Variants in FGD6 observed in about 807,000 individuals in gnomAD.
FGD6 encodes the protein FYVE, RhoGEF and PH domain-containing protein 6.
In FGD6, 90 loss-of-function variants were observed where a neutral mutation model predicts 149.4. The ratio of observed to expected loss-of-function variants is 0.60; its 90% CI spans 0.51 to 0.72. The LOEUF (loss-of-function observed/expected upper bound fraction) is 0.72, where lower values mean the gene tolerates loss of function less well. FGD6 is among the 30% of genes least tolerant of loss of function. FGD6 has a pLI of 0.00. For synonymous variants in FGD6, 527 were observed against 584.0 expected (o/e 0.90, Z 1.41); for missense variants, 1,437 against 1,684.8 (o/e 0.85, Z 2.57).
intron 3 of FGD6, among the ~76,000 whole-genome samples, chr12:95,161,111 T>C (rs1282957664): frequency 6.6e-6 from 1 of 150,868 alleles, no homozygotes; most frequent in African/African-American, 2.4e-5. Flanking sequence ...ACCAAGGAGA[T>C]GGAGGATGCA....
At chr12:95,087,654 G>T (rs1009098103) in intron 18 of FGD6, among the ~76,000 whole-genome samples, 1 of 152,180 alleles carries the variant, frequency 6.6e-6, no homozygotes, top group Non-Finnish European at 1.5e-5. Flanking sequence ...GATAATAAAT[G>T]TATGTTGTTT....
chr12:95,106,118 T>TCATAC (rs1565897264), intron 13 of FGD6, among the ~76,000 whole-genome samples: 1 of 116,148 alleles, frequency 8.6e-6, no homozygotes, highest in Non-Finnish European at 1.9e-5. Flanking sequence ...CTAAAATATA[T>TCATAC]ATTTGTTGTT....
intron 3 of FGD6, among the ~76,000 whole-genome samples, chr12:95,163,313 G>A (rs929610601): frequency 6.6e-6 from 1 of 151,996 alleles, no homozygotes; most frequent in African/African-American, 2.4e-5. Flanking sequence ...GAAGATTTCT[G>A]CCTTTCATAT....
In FGD6 at chr12:95,163,542, G is replaced by A. The variant is rs538857159; in HGVS notation, c.2586+9058C>T. ...CCTTCTGCACATAGCACGCTGCTTG[G>A]TCCACTGTGCAATTAATATTTACGA... On this transcript the variant is annotated intron_variant, in intron 3 of 20. Coordinates refer to ENST00000343958, the MANE Select transcript of FGD6 (RefSeq NM_018351.4). Among the ~76,000 whole-genome samples, 4 of 152,278 alleles carry A rather than the reference G, an allele frequency of 2.6e-5. No individual in the cohort carries two copies. The South Asian group carries it at 8.3e-4, about 32-fold the overall frequency.
intron 7 of FGD6, among the ~76,000 whole-genome samples, chr12:95,135,187 C>T (rs1437027701): frequency 6.6e-6 from 1 of 152,082 alleles, no homozygotes; most frequent in Non-Finnish European, 1.5e-5. Context: ...TCCCAATGGA[C>T]CAAGAAGGAA....
chr12:95,139,529 T>G (rs1879781771), intron 6 of FGD6, among the ~76,000 whole-genome samples: 2 of 151,678 alleles, frequency 1.3e-5, no homozygotes, highest in Admixed American at 1.3e-4. Context: ...AGAGACAAGG[T>G]TTCACCATGT....
At chr12:95,173,745 A>T (rs558978632) in intron 2 of FGD6, among the ~76,000 whole-genome samples, 1 of 152,206 alleles carries the variant, frequency 6.6e-6, no homozygotes, top group Non-Finnish European at 1.5e-5. Flanking sequence ...TCAGTAAAAG[A>T]TCCACAATCA....
intron 2 of FGD6, among the ~76,000 whole-genome samples, chr12:95,204,566 C>G (rs1339167403): frequency 1.3e-5 from 2 of 152,184 alleles, no homozygotes; most frequent in Non-Finnish European, 2.9e-5. Flanking sequence ...TTTCCTCATT[C>G]TTCCTTAGTC....
At chr12:95,098,507 T>A (rs768662883) in intron 14 of FGD6, among the ~76,000 whole-genome samples, 29 of 152,294 alleles carry the variant, frequency 1.9e-4, no homozygotes, top group Non-Finnish European at 3.4e-4. Context: ...GGTCATTCTC[T>A]TCCTCATTCT....
intron 2 of FGD6, among the ~76,000 whole-genome samples, chr12:95,197,329 T>C (rs1881758010): frequency 6.6e-6 from 1 of 152,080 alleles, no homozygotes; most frequent in African/African-American, 2.4e-5. Context: ...TCCCAGCTAC[T>C]CAGGAGGCTG....
intron 2 of FGD6, among the ~76,000 whole-genome samples, chr12:95,194,072 T>C (rs1198537010): frequency 6.6e-6 from 1 of 151,986 alleles, no homozygotes; most frequent in East Asian, 1.9e-4. Flanking sequence ...TAGCTAGGAC[T>C]ACGGGCATGT....
At chr12:95,156,588 C>T (rs1331338234) in intron 3 of FGD6, among the ~76,000 whole-genome samples, 1 of 152,154 alleles carries the variant, frequency 6.6e-6, no homozygotes, top group African/African-American at 2.4e-5. Flanking sequence ...CCTGTGATCT[C>T]GCCCTGCCTC....
At chr12:95,109,178 A>G (rs1878730643) in intron 9 of FGD6, among the ~76,000 whole-genome samples, 1 of 139,174 alleles carries the variant, frequency 7.2e-6, no homozygotes, top group South Asian at 2.3e-4. Flanking sequence ...TATTCTTTTT[A>G]TTAACCCTTT....
intron 3 of FGD6, among the ~76,000 whole-genome samples, chr12:95,165,665 G>A (rs1880788925): frequency 6.7e-6 from 1 of 148,256 alleles, no homozygotes; most frequent in Admixed American, 6.7e-5. Context: ...AGTGAGATGA[G>A]GCCTCCCTGT....
chr12:95,126,317 T>A, intron 8 of FGD6: 1 of 1,558,042 alleles, frequency 6.4e-7, no homozygotes, highest in South Asian at 1.2e-5. Flanking sequence ...CAGCACCTCC[T>A]CCAAAAGCTC....
At chr12:95,130,957 T>C (rs1482081733) in intron 8 of FGD6, among the ~76,000 whole-genome samples, 1 of 152,206 alleles carries the variant, frequency 6.6e-6, no homozygotes, top group Non-Finnish European at 1.5e-5. Flanking sequence ...CTTAGGATTA[T>C]AGGAACATAG....
intron 2 of FGD6, among the ~76,000 whole-genome samples, chr12:95,186,984 G>A (rs1200897019): frequency 6.6e-6 from 1 of 152,138 alleles, no homozygotes; most frequent in Non-Finnish European, 1.5e-5. Flanking sequence ...CAGAAAGCTC[G>A]TTTGCTCACT....
At chr12:95,157,532 C>T (rs1437019471) in intron 3 of FGD6, among the ~76,000 whole-genome samples, 1 of 143,746 alleles carries the variant, frequency 7.0e-6, no homozygotes, top group Non-Finnish European at 1.5e-5. Flanking sequence ...TGCCACTGCA[C>T]TCCAGCCTAG....
chr12:95,160,092 C>T (rs940385098), intron 3 of FGD6, among the ~76,000 whole-genome samples: 1 of 151,748 alleles, frequency 6.6e-6, no homozygotes, highest in Non-Finnish European at 1.5e-5. Flanking sequence ...CGCTTGTAAC[C>T]CTAGCAATTT....
Sources: gnomAD v4.1 joint callset for allele counts (sites outside exome capture counted in the v4.1 genomes callset) on GRCh38, gnomAD v4.1.1 for gene constraint, MANE v1.5 for transcripts, NCBI Gene and HGNC (gene_info 2026-07-23, HGNC 2026-07-21) for gene names.